Variants in SETBP1 observed in about 807,000 individuals in gnomAD.
SETBP1 encodes the protein SET-binding protein.
A neutral mutation model predicts 101.0 loss-of-function variants in SETBP1; 9 were observed. That is an observed-to-expected ratio of 0.09 (90% CI 0.05 to 0.16). The LOEUF (loss-of-function observed/expected upper bound fraction) is 0.16, where lower values mean the gene tolerates loss of function less well. SETBP1 is among the 10% of genes least tolerant of loss of function. The pLI is 1.00. For missense variants in SETBP1, 1,858 were observed against 2,033.8 expected (o/e 0.91, Z 1.66); for synonymous variants, 818 against 788.5 (o/e 1.04, Z -0.63).
At position 44,951,757 on chromosome 18, in the gene SETBP1, C is replaced by G. The variant is rs781715336; in HGVS notation, c.2417C>G (p.Pro806Arg). 1 of 1,614,114 alleles carries G rather than the reference C, an allele frequency of 6.2e-7. No individual in the cohort carries two copies. Among genetic ancestry groups the G allele is most frequent in the Non-Finnish European group, 8.5e-7 (1 of 1,180,028 alleles). ...ETNFSELKTMPNLQPISALPT... is the reference protein window; with the variant it reads ...ETNFSELKTMRNLQPISALPT... ...AATTTTTCAGAGTTGAAAACTATGCCAAATCTCCAGCCCATCAGTGCTCTT... is the reference window on the plus strand; with the variant it reads ...AATTTTTCAGAGTTGAAAACTATGCGAAATCTCCAGCCCATCAGTGCTCTT... Residue 806 changes from proline (P) to arginine (R), a missense_variant, in exon 4 of 6, where the codon CCA (proline) becomes CGA (arginine). This residue lies in a region of SETBP1 where 121 missense variants were observed against 138.0 expected (regional missense o/e 0.88). Transcript: ENST00000649279. The surrounding 1 kb of genome is among the most constrained non-coding windows in gnomAD (Gnocchi z 7.8).
chr18:44,997,871 CA>C (rs1453521780), intron 4 of SETBP1, among the ~76,000 whole-genome samples: 2 of 152,144 alleles, frequency 1.3e-5, no homozygotes, highest in Non-Finnish European at 2.9e-5. Context: ...TGCAGTTCAT[CA>C]AATAGTCTTA....
At chr18:44,712,710 C>T (rs1024945216) in intron 2 of SETBP1, among the ~76,000 whole-genome samples, 18 of 152,020 alleles carry the variant, frequency 1.2e-4, no homozygotes, top group African/African-American at 3.9e-4. Flanking sequence ...ATTGGGCTTG[C>T]GTGCTATTGG....
In SETBP1 at chr18:44,951,107, A is replaced by T. The variant is rs1227153468; in HGVS notation, c.1767A>T (p.Arg589=). ...VITPVKKKRG[R]PKKQPLLTVE... is the part of the protein sequence containing the mutation. The stretch of plus-strand genomic sequence containing the variant: ...CTCCAGTCAAAAAGAAGCGGGGACG[A>T]CCAAAGAAGCAGCCTTTGCTCACAG... The change falls in exon 4 of 6, where the codon CGA becomes CGT. Residue 589 remains arginine, a synonymous_variant. Coordinates refer to ENST00000649279, the MANE Select transcript of SETBP1 (RefSeq NM_015559.3). The surrounding 1 kb of genome is among the most constrained non-coding windows in gnomAD (Gnocchi z 7.8). 1 of 1,613,988 alleles carries T rather than the reference A, an allele frequency of 6.2e-7. No homozygotes were observed. The highest frequency in any genetic ancestry group is 2.2e-5 in the East Asian group (1 of 44,864).
chr18:44,834,718 G>A (rs536325831), intron 2 of SETBP1, among the ~76,000 whole-genome samples: 1 of 152,352 alleles, frequency 6.6e-6, no homozygotes, highest in Non-Finnish European at 1.5e-5. Flanking sequence ...GATGAATTAA[G>A]ATAGAATTAC....
At chr18:44,832,809 T>C (rs2072404687) in intron 2 of SETBP1, among the ~76,000 whole-genome samples, 1 of 152,216 alleles carries the variant, frequency 6.6e-6, no homozygotes, top group Non-Finnish European at 1.5e-5. Context: ...CACTACTCGA[T>C]CTAGGCTAGT....
chr18:44,755,406 C>T (rs925825313), intron 2 of SETBP1, among the ~76,000 whole-genome samples: 4 of 151,884 alleles, frequency 2.6e-5, no homozygotes, highest in African/African-American at 7.3e-5. Flanking sequence ...TAGCTGGGAG[C>T]GGGCTAGGAC....
intron 3 of SETBP1, among the ~76,000 whole-genome samples, chr18:44,929,128 G>T (rs1269471022): frequency 6.6e-6 from 1 of 152,172 alleles, no homozygotes; most frequent in African/African-American, 2.4e-5. Flanking sequence ...GTAAGGGAGG[G>T]ATCCAGTTTC....
intron 2 of SETBP1, among the ~76,000 whole-genome samples, chr18:44,789,166 C>G (rs1481050837): frequency 6.6e-6 from 1 of 152,066 alleles, no homozygotes; most frequent in Non-Finnish European, 1.5e-5. Flanking sequence ...GACTTTTTGA[C>G]TCGTTTTAGT....
intron 3 of SETBP1, chr18:44,877,335 A>G (rs777156618): frequency 1.0e-4 from 93 of 899,562 alleles, no homozygotes; most frequent in Non-Finnish European, 1.2e-4. Context: ...CTGGTCCTTC[A>G]TCAAAGATCG....
At chr18:44,768,381 T>A (rs2070804930) in intron 2 of SETBP1, among the ~76,000 whole-genome samples, 1 of 152,162 alleles carries the variant, frequency 6.6e-6, no homozygotes, top group Non-Finnish European at 1.5e-5. Context: ...ATGGTGTATG[T>A]GTGTGTATGT....
chr18:44,951,011 G>C lies in SETBP1; in HGVS notation c.1671G>C (p.Glu557Asp), dbSNP rs1487124891. ...CCACCTCTGATAAACTGATGCTGGA[G>C]CCCCCGTCTGCATATCCCATCACCC... ...VMATSDKLML[E>D]PPSAYPITPS... The change falls in exon 4 of 6, where the codon GAG becomes GAC. Residue 557 changes from glutamate to aspartate, a missense_variant. Glu to Asp is a conservative substitution (Grantham distance 45). This residue lies in a region of SETBP1 where 581 missense variants were observed against 535.1 expected (regional missense o/e 1.09). Transcript: ENST00000649279. The surrounding 1 kb of genome is among the most constrained non-coding windows in gnomAD (Gnocchi z 7.8). The C allele has an allele frequency of 2.5e-6, 4 of 1,613,834 alleles. No homozygotes were observed. Among genetic ancestry groups the C allele is most frequent in the Admixed American group, 1.7e-5 (1 of 59,988 alleles).
At chr18:45,021,626 TA>T (rs1423454971) in intron 4 of SETBP1, among the ~76,000 whole-genome samples, 3 of 152,106 alleles carry the variant, frequency 2.0e-5, no homozygotes, top group Admixed American at 2.0e-4. Flanking sequence ...ATACAACTCA[TA>T]AAGAGAAGAA....
chr18:44,836,222 T>G (rs906712951), intron 2 of SETBP1, among the ~76,000 whole-genome samples: 1 of 152,164 alleles, frequency 6.6e-6, no homozygotes, highest in Admixed American at 6.5e-5. Flanking sequence ...AACACTGAAT[T>G]GTATATCAGC....
At chr18:44,987,525 T>C (rs1342259103) in intron 4 of SETBP1, 1 of 152,218 alleles carries the variant, frequency 6.6e-6, no homozygotes, top group African/African-American at 2.4e-5. Context: ...CTGAAATGTC[T>C]TTGCCTTTGA....
At chr18:44,898,643 C>T (rs1238897957) in intron 3 of SETBP1, among the ~76,000 whole-genome samples, 3 of 152,078 alleles carry the variant, frequency 2.0e-5, no homozygotes, top group Non-Finnish European at 4.4e-5. Context: ...GAAAGGGCTT[C>T]GAGTTCTACT....
intron 4 of SETBP1, among the ~76,000 whole-genome samples, chr18:44,990,927 GAAAAAAAAA>G (rs996043221): frequency 6.3e-5 from 4 of 63,190 alleles, no homozygotes; most frequent in Non-Finnish European, 9.9e-5. Flanking sequence ...CAGAGAGAGA[GAAAAAAAAA>G]AAAAAAAAAA....
In SETBP1 at chr18:45,063,463, C is replaced by A. The variant is rs1216102483; in HGVS notation, c.4556C>A (p.Ala1519Glu). The change falls in exon 6 of 6, where the codon GCG becomes GAG. Residue 1519 changes from alanine to glutamate, a missense_variant. Transcript: ENST00000649279. The stretch of plus-strand genomic sequence containing the variant: ...GCGGTCATCCACATGGCCCGGGAGG[C>A]GCCGCCCCTGCCCCCGCCACCGCCG... ...IEAVIHMAREAPPLPPPPPPP... is the reference protein window; with the variant it reads ...IEAVIHMAREEPPLPPPPPPP... 2.7e-6 allele frequency: 4 copies of A among 1,470,034 alleles called. No homozygotes were observed. Among genetic ancestry groups the A allele is most frequent in the Admixed American group, 2.6e-5 (1 of 38,450 alleles). The allele number at this position is 1,470,034 out of a possible 1,614,324, so 91.1% of individuals were successfully genotyped here. A position where few individuals can be genotyped will look rare whatever the true frequency, so the allele number is the denominator to read the frequency against.
In SETBP1 at chr18:44,955,738, T is replaced by C. The variant is rs533613794; in HGVS notation, c.4000+2398T>C. 2.0e-5 allele frequency among the ~76,000 whole-genome samples: 3 copies of C among 152,298 alleles called. No homozygotes were observed. The South Asian group carries it at 6.2e-4, about 32-fold the overall frequency. The stretch of plus-strand genomic sequence containing the variant: ...CCACCAAGCTAGTGAAAGCTGTGTT[T>C]AGAACACAGCTCTTGGTGCCCAGTC... On this transcript the variant is annotated intron_variant, in intron 4 of 5. Transcript: ENST00000649279.
At chr18:44,935,869 G>T (rs1338699946) in intron 3 of SETBP1, among the ~76,000 whole-genome samples, 1 of 152,106 alleles carries the variant, frequency 6.6e-6, no homozygotes, top group Non-Finnish European at 1.5e-5. Context: ...GGGGCTACAG[G>T]TTTTTACTGA....
Sources: gnomAD v4.1 joint callset for allele counts (sites outside exome capture counted in the v4.1 genomes callset) on GRCh38, gnomAD v4.1.1 for gene constraint, gnomAD v4.1.1 regional missense constraint, Gnocchi (gnomAD v3.1) non-coding constraint, MANE v1.5 for transcripts, NCBI Gene and HGNC (gene_info 2026-07-23, HGNC 2026-07-21) for gene names.